Variants in PCDHA8 observed in about 807,000 individuals in gnomAD.
PCDHA8 encodes protocadherin alpha-8.
A neutral mutation model predicts 61.8 loss-of-function variants in PCDHA8; 53 were observed. That is an observed-to-expected ratio of 0.86 (90% CI 0.69 to 1.08). The LOEUF is 1.08. PCDHA8 is among the 50% of genes least tolerant of loss of function. The pLI, the probability that PCDHA8 is intolerant of heterozygous loss-of-function variation, is 0.00. For missense variants in PCDHA8, 1,293 were observed against 1,245.0 expected (o/e 1.04, Z -0.58); for synonymous variants, 618 against 556.6 (o/e 1.11, Z -1.55).
intron 1 of PCDHA8, among the ~76,000 whole-genome samples, chr5:140,965,496 AT>A (rs71766133): frequency 0.14 from 20,233 of 145,920 alleles, 1,374 homozygotes; most frequent in Middle Eastern, 0.21. Flanking sequence ...ATGACAGCAG[AT>A]TTTTTTTTTT....
intron 1 of PCDHA8, chr5:140,869,684 T>A: frequency 6.2e-7 from 1 of 1,613,486 alleles, no homozygotes; most frequent in Non-Finnish European, 8.5e-7. Context: ...AGACTGTCAC[T>A]TATTTTAAAG....
At position 140,941,191 on chromosome 5, in the gene PCDHA8, TTTTCTTTCTTCC is replaced by T. The variant is rs1293685535; in HGVS notation, c.2395-37735_2395-37724del. 2.6e-3 allele frequency among the ~76,000 whole-genome samples: 239 copies of T among 93,120 alleles called. 3 individuals are homozygous for T. Among genetic ancestry groups the T allele is most frequent in the East Asian group, 5.8e-3 (18 of 3,094 alleles). The allele number at this position is 93,120 out of a possible 152,430, so 61.1% of individuals were successfully genotyped here. ...CATCTTGAACATCCTGCTTCTTTTT[TTTTCTTTCTTCC>T]TTTCTTTCTTCCTTTCTTTCTTTCT... is the stretch of plus-strand genomic sequence containing the variant. On this transcript the variant is annotated intron_variant, in intron 1 of 3. Transcript: ENST00000531613.
intron 3 of PCDHA8, among the ~76,000 whole-genome samples, chr5:141,003,899 A>G (rs1288060303): frequency 1.3e-5 from 2 of 152,200 alleles, no homozygotes; most frequent in East Asian, 1.9e-4. Context: ...AGGCCCATTC[A>G]TTTGGGTCTT....
Position 140,843,405 on chromosome 5 carries a change from A to T in PCDHA8, c.2084A>T (p.Asp695Val). The change falls in exon 1 of 4, where the codon GAT becomes GTT. Residue 695 changes from aspartate to valine, a missense_variant. Transcript: ENST00000531613. ...GVLGPEAALV[D>V]VNVYLIIAIC... is the part of the protein sequence containing the mutation. ...TTGGGTCCGGAAGCGGCGCTGGTGG[A>T]TGTCAACGTGTACCTGATCATCGCC... The T allele has an allele frequency of 1.4e-5, 23 of 1,595,948 alleles. 2 individuals are homozygous for T. The highest frequency in any genetic ancestry group is 2.0e-5 in the Non-Finnish European group (23 of 1,165,558).
chr5:140,998,275 A>G (rs1554256218), intron 3 of PCDHA8, among the ~76,000 whole-genome samples: 1 of 152,198 alleles, frequency 6.6e-6, no homozygotes, highest in African/African-American at 2.4e-5. Context: ...TGACACCCAT[A>G]GGATTAAATC....
At chr5:140,887,108 T>A (rs2061306818) in intron 1 of PCDHA8, among the ~76,000 whole-genome samples, 1 of 152,084 alleles carries the variant, frequency 6.6e-6, no homozygotes, top group Non-Finnish European at 1.5e-5. Context: ...TCTCTTTTTT[T>A]TTTTTTGAGA....
rs2150320586 is a variant in PCDHA8 at position 140,841,677 on chromosome 5, T to A, written c.356T>A (p.Val119Glu). 5.6e-6 allele frequency: 9 copies of A among 1,614,014 alleles called. No individual in the cohort carries two copies. Among genetic ancestry groups the A allele is most frequent in the Non-Finnish European group, 7.6e-6 (9 of 1,179,928 alleles). Residue 119 changes from valine to glutamate, a missense_variant, in exon 1 of 4, where the codon GTG becomes GAG. By Grantham distance (121) the Val-to-Glu change is moderately radical. Transcript: ENST00000531613. ...GACAGGCCGCTGCAGGTTTTCCATGTGGACGTGGAGGTGAAGGATGTTAAT... is the reference window on the plus strand; with the variant it reads ...GACAGGCCGCTGCAGGTTTTCCATGAGGACGTGGAGGTGAAGGATGTTAAT... ...IVDRPLQVFH[V>E]DVEVKDVNDN... is the part of the protein sequence containing the mutation.
intron 1 of PCDHA8, chr5:140,871,192 G>T (rs1582019516): frequency 2.5e-6 from 4 of 1,613,668 alleles, no homozygotes; most frequent in Non-Finnish European, 3.4e-6. Flanking sequence ...GGATGTCAAC[G>T]TGTACCTGAT....
At chr5:140,993,460 T>TCCCACA (rs1554253699) in intron 3 of PCDHA8, among the ~76,000 whole-genome samples, 8 of 104,506 alleles carry the variant, frequency 7.7e-5, no homozygotes, top group African/African-American at 3.1e-4. Context: ...CTTCTTTCTT[T>TCCCACA]CTCACACACA....
rs782449567 is a variant in PCDHA8, at chr5:140,928,010, G to T, written c.2395-50939G>T. 4.3e-6 allele frequency: 7 copies of T among 1,614,168 alleles called. No individual in the cohort carries two copies. In the South Asian group the frequency reaches 6.6e-5, roughly 15 times the overall value. On this transcript the variant is annotated intron_variant, in intron 1 of 3. Coordinates refer to ENST00000531613, the MANE Select transcript of PCDHA8 (RefSeq NM_018911.3). Reference sequence around the variant, plus strand: ...AAGGATGAAGACCTCGATTCTAATGGTAGGGTCATTTGTGGCATGTCTAGT... The same window carrying T: ...AAGGATGAAGACCTCGATTCTAATGTTAGGGTCATTTGTGGCATGTCTAGT...
intron 1 of PCDHA8, among the ~76,000 whole-genome samples, chr5:140,915,711 C>T (rs1159509465): frequency 1.3e-5 from 2 of 151,812 alleles, no homozygotes; most frequent in African/African-American, 2.4e-5. Flanking sequence ...CTCCTGTGGC[C>T]CCCACTTTGG....
At chr5:140,921,681 C>T (rs1554200353) in intron 1 of PCDHA8, among the ~76,000 whole-genome samples, 1 of 152,136 alleles carries the variant, frequency 6.6e-6, no homozygotes, top group East Asian at 1.9e-4. Context: ...TATCATCAAA[C>T]ACTGGCCACC....
chr5:140,856,041 A>T lies in PCDHA8; in HGVS notation c.2394+12326A>T, dbSNP rs797043647. Reference sequence around the variant, plus strand: ...ATTCGTCGATTTGTAAAACAAGAGAAGGATAAGATGGTTTCCAGATGTAGC... The same window carrying T: ...ATTCGTCGATTTGTAAAACAAGAGATGGATAAGATGGTTTCCAGATGTAGC... On this transcript the variant is annotated intron_variant, in intron 1 of 3. Coordinates refer to ENST00000531613, the MANE Select transcript of PCDHA8 (RefSeq NM_018911.3). 1.9e-6 allele frequency: 3 copies of T among 1,569,530 alleles called. No individual in the cohort carries two copies. The African/African-American group carries it at 4.1e-5, about 21-fold the overall frequency.
At chr5:140,871,205 T>C (rs1554165267) in intron 1 of PCDHA8, 3 of 1,613,774 alleles carry the variant, frequency 1.9e-6, no homozygotes, top group Admixed American at 3.3e-5. Flanking sequence ...TACCTGATCA[T>C]CGCCATCTGC....
chr5:140,867,131 T>C (rs769857763), intron 1 of PCDHA8: 1 of 152,188 alleles, frequency 6.6e-6, no homozygotes, highest in African/African-American at 2.4e-5. Context: ...TTCAAATATG[T>C]GATATTATCA....
chr5:140,983,146 G>T (rs894953025), intron 3 of PCDHA8, among the ~76,000 whole-genome samples: 3 of 152,140 alleles, frequency 2.0e-5, no homozygotes, highest in Non-Finnish European at 4.4e-5. Flanking sequence ...TAGTGCCTTG[G>T]CATGCATGTT....
At chr5:140,896,191 C>T (rs987655303) in intron 1 of PCDHA8, among the ~76,000 whole-genome samples, 1 of 152,184 alleles carries the variant, frequency 6.6e-6, no homozygotes, top group African/African-American at 2.4e-5. Flanking sequence ...GTGAATAGTG[C>T]CATGATGAAC....
intron 1 of PCDHA8, among the ~76,000 whole-genome samples, chr5:140,972,660 A>ATT (rs11350929): frequency 4.2e-4 from 49 of 117,232 alleles, no homozygotes; most frequent in Non-Finnish European, 5.7e-4. Context: ...AAGAAACCAA[A>ATT]TTTTTTTTTT....
intron 1 of PCDHA8, among the ~76,000 whole-genome samples, chr5:140,846,576 A>G (rs1780570619): frequency 6.7e-6 from 1 of 148,418 alleles, no homozygotes; most frequent in African/African-American, 2.5e-5. Context: ...GGGTTTCACC[A>G]TGTTAGCCAG....
Sources: gnomAD v4.1 joint callset for allele counts (sites outside exome capture counted in the v4.1 genomes callset) on GRCh38, gnomAD v4.1.1 for gene constraint, MANE v1.5 for transcripts, NCBI Gene and HGNC (gene_info 2026-07-23, HGNC 2026-07-21) for gene names.